The following NR1H3 variants were observed in gnomAD, a reference collection of about 807,000 sequenced individuals.
The protein encoded by NR1H3 is oxysterols receptor LXR-alpha.
Under a neutral mutation model 48.1 loss-of-function variants are expected in NR1H3, and 19 were observed. The observed-to-expected ratio is 0.40, with a 90% CI of 0.28 to 0.58. The LOEUF (loss-of-function observed/expected upper bound fraction) is 0.58. Among genes scored for constraint, NR1H3 ranks in the 20% least tolerant of loss-of-function variants. The pLI is 0.50. For missense variants in NR1H3, 486 were observed against 595.9 expected, an observed-to-expected ratio of 0.82 and a Z score of 1.92; for synonymous variants, 232 against 227.3, an observed-to-expected ratio of 1.02 and a Z score of -0.19.
In NR1H3 at chr11:47,261,541, G is replaced by A; in HGVS notation, c.709-6G>A. 6.2e-7 allele frequency: 1 copy of A among 1,613,538 alleles called. No individual in the cohort carries two copies. The highest frequency in any genetic ancestry group is 8.5e-7 in the Non-Finnish European group (1 of 1,179,448). On this transcript the variant is annotated splice_polypyrimidine_tract_variant and splice_region_variant and intron_variant, in intron 5 of 9. Transcript: ENST00000441012. ...CAAAGCGCTTTGCCTTTTCCCTCCTGGGTAGCCTTGGCCCATGGCACCAGA... is the reference window on the plus strand; with the variant it reads ...CAAAGCGCTTTGCCTTTTCCCTCCTAGGTAGCCTTGGCCCATGGCACCAGA...
chr11:47,268,389 C>G, intron 9 of NR1H3, 34 bp downstream of exon 9: 1 of 1,604,788 alleles, frequency 6.2e-7, no homozygotes, highest in Non-Finnish European at 8.5e-7. Context: ...TTTCCTCCTT[C>G]CCACACACAG....
chr11:47,249,822 C>T (rs72903805), intron 1 of NR1H3, among the ~76,000 whole-genome samples: 248 of 152,114 alleles, frequency 1.6e-3, no homozygotes, highest in Non-Finnish European at 2.6e-3. Flanking sequence ...GCCTGGGCGC[C>T]GTGGCTCACC....
chr11:47,258,965 C>T, intron 1 of NR1H3: 1 of 782,540 alleles, frequency 1.3e-6, no homozygotes, highest in Non-Finnish European at 1.9e-6. Context: ...CACTTGAGCC[C>T]AGGAATTCCT....
At chr11:47,259,051 C>CTT in intron 1 of NR1H3, 129 bp from the exon 2 acceptor site, 1 of 1,499,534 alleles carries the variant, frequency 6.7e-7, no homozygotes, top group Non-Finnish European at 9.0e-7. Flanking sequence ...TTAGTACAGG[C>CTT]TAATATATGG....
chr11:47,255,076 C>T (rs900379747), upstream of NR1H3, among the ~76,000 whole-genome samples: 1 of 152,236 alleles, frequency 6.6e-6, no homozygotes, highest in Non-Finnish European at 1.5e-5. Context: ...CAGCTTGCCT[C>T]CCACATCTGG....
At chr11:47,251,039 G>C (rs1371028886) in intron 1 of NR1H3, among the ~76,000 whole-genome samples, 1 of 151,958 alleles carries the variant, frequency 6.6e-6, no homozygotes, top group African/African-American at 2.4e-5. Context: ...GGTGCCGGTA[G>C]TCCCAGCTAC....
At chr11:47,248,758 G>T (rs766522083), upstream of NR1H3, 4 of 1,603,300 alleles carry the variant, frequency 2.5e-6, no homozygotes, top group East Asian at 4.5e-5. Context: ...GAGGAGAGCC[G>T]CCCGGCTCCA....
chr11:47,258,502 G>A (rs559078294), intron 1 of NR1H3: 3 of 152,816 alleles, frequency 2.0e-5, no homozygotes, highest in African/African-American at 7.2e-5. Context: ...CTGCTGGCCT[G>A]GAGGGGACTT....
intron 7 of NR1H3, 40 bp from the exon 8 acceptor site, chr11:47,267,873 G>C: frequency 7.1e-7 from 1 of 1,404,832 alleles, no homozygotes; most frequent in South Asian, 1.2e-5. Flanking sequence ...AGTTCCTGCT[G>C]CTCCTGCTGC....
upstream of NR1H3, among the ~76,000 whole-genome samples, chr11:47,255,529 T>C (rs1954997455): frequency 9.4e-6 from 1 of 106,184 alleles, no homozygotes. Context: ...TAGACTCTCT[T>C]TCTTTCTTTC....
chr11:47,260,253 C>A, intron 3 of NR1H3, 156 bp from the exon 4 acceptor site: 1 of 1,058,442 alleles, frequency 9.4e-7, no homozygotes, highest in Non-Finnish European at 1.4e-6. Flanking sequence ...CATAATGGCA[C>A]TTGGCAAATG....
exon 1 of NR1H3, chr11:47,248,916 C>T (rs1954359381): frequency 6.5e-7 from 1 of 1,539,590 alleles, no homozygotes; most frequent in Non-Finnish European, 8.7e-7. Context: ...TAGGGACCTG[C>T]TGGGGTGCGG....
Position 47,268,843 on chromosome 11 carries a change from G to A in NR1H3, c.*147G>A, listed in dbSNP as rs1957759879. On this transcript the variant is annotated 3_prime_UTR_variant, in exon 10 of 10. Coordinates refer to ENST00000441012, the MANE Select transcript of NR1H3 (RefSeq NM_005693.4). ...CCGTGGCATTAAAAGAGAGTCAAAGGGTTGCGAGTTTTGTGGCTACTGAGC... is the reference window on the plus strand; with the variant it reads ...CCGTGGCATTAAAAGAGAGTCAAAGAGTTGCGAGTTTTGTGGCTACTGAGC... 9.6e-7 allele frequency: 1 copy of A among 1,039,186 alleles called. No homozygotes were observed. Among genetic ancestry groups the A allele is most frequent in the Non-Finnish European group, 1.4e-6 (1 of 726,572 alleles). The allele number at this position is 1,039,186 out of a possible 1,614,324, so 64.4% of individuals were successfully genotyped here.
Position 47,258,108 on chromosome 11 carries a change from A to C in NR1H3, c.-59A>C. 2 of 984,976 alleles carry C rather than the reference A, an allele frequency of 2.0e-6. No homozygotes were observed. The highest frequency in any genetic ancestry group is 2.4e-6 in the Non-Finnish European group (2 of 830,060). The allele number at this position is 984,976 out of a possible 1,614,324, so 61.0% of individuals were successfully genotyped here. Reference sequence around the variant, plus strand: ...GGCTCCAGAGACTGCCCACCCAGGAAGTCTGGTGGCCTGGGGATTTGGTGG... The same window carrying C: ...GGCTCCAGAGACTGCCCACCCAGGACGTCTGGTGGCCTGGGGATTTGGTGG... On this transcript the variant is annotated 5_prime_UTR_variant, in exon 1 of 10. Transcript: ENST00000441012.
chr11:47,262,204 C>T (rs940562463), intron 7 of NR1H3, among the ~76,000 whole-genome samples, 186 bp downstream of exon 7: 2 of 151,916 alleles, frequency 1.3e-5, no homozygotes, highest in Non-Finnish European at 2.9e-5. Context: ...ACGGTGAAAC[C>T]CTGTCTCTAC....
upstream of NR1H3, among the ~76,000 whole-genome samples, chr11:47,255,545 CTTTCTTTCTTTCTT>C (rs1565178166): frequency 0.013 from 1,342 of 99,764 alleles, 38 homozygotes; most frequent in East Asian, 0.067. Context: ...CTTTCTTTTT[CTTTCTTTCTTTCTT>C]TCTTTCTTTC....
chr11:47,266,014 A>T (rs1305120283), intron 7 of NR1H3, among the ~76,000 whole-genome samples: 6 of 152,214 alleles, frequency 3.9e-5, no homozygotes, highest in African/African-American at 7.2e-5. Flanking sequence ...AACTTACACA[A>T]GGTCACACTG....
chr11:47,248,745 C>G (rs1265032531), upstream of NR1H3: 1 of 1,609,142 alleles, frequency 6.2e-7, no homozygotes, highest in African/African-American at 1.3e-5. Flanking sequence ...CGAGAAGGAG[C>G]TGGAGGAGAG....
Position 47,268,272 on chromosome 11 carries a change from G to C in NR1H3, c.1114G>C (p.Val372Leu), listed in dbSNP as rs767835642. 1 of 1,613,896 alleles carries C rather than the reference G, an allele frequency of 6.2e-7. No homozygotes were observed. The highest frequency in any genetic ancestry group is 8.5e-7 in the Non-Finnish European group (1 of 1,179,992). Residue 372 changes from valine (V) to leucine (L), a missense_variant, in exon 9 of 10, where the codon GTG becomes CTG. Physicochemically the swap from Val to Leu is conservative, Grantham distance 32 (BLOSUM62 1). Transcript: ENST00000441012. ...ISIFSADRPN[V>L]QDQLQVERLQ... is the part of the protein sequence containing the mutation. The stretch of plus-strand genomic sequence containing the variant: ...TTGGTGACCTATAGACCGGCCCAAC[G>C]TGCAGGACCAGCTCCAGGTAGAGAG...
Sources: gnomAD v4.1 joint callset for allele counts (sites outside exome capture counted in the v4.1 genomes callset) on GRCh38, gnomAD v4.1.1 for gene constraint, MANE v1.5 for transcripts, NCBI Gene and HGNC (gene_info 2026-07-23, HGNC 2026-07-21) for gene names.